The following ZBTB7C variants were observed in gnomAD, a reference collection of about 807,000 sequenced individuals.
ZBTB7C encodes the protein zinc finger and BTB domain containing 7C.
Under a neutral mutation model 25.7 loss-of-function variants are expected in ZBTB7C, and 8 were observed. That is an observed-to-expected ratio of 0.31 (90% confidence interval 0.18 to 0.56). ZBTB7C has a LOEUF of 0.56. ZBTB7C is among the 20% of genes least tolerant of loss of function. ZBTB7C has a pLI of 0.91. For synonymous variants in ZBTB7C, 394 were observed against 369.0 expected, an observed-to-expected ratio of 1.07 and a Z score of -0.78; for missense variants, 824 against 855.2, an observed-to-expected ratio of 0.96 and a Z score of 0.46.
At chr18:48,161,710 G>A (rs554321452) in intron 3 of ZBTB7C, among the ~76,000 whole-genome samples, 1 of 148,250 alleles carries the variant, frequency 6.7e-6, no homozygotes, top group Non-Finnish European at 1.5e-5. Context: ...GGCCCGGCCC[G>A]GGCGCCCCGC....
chr18:48,114,248 C>T (rs2039346041), intron 3 of ZBTB7C, among the ~76,000 whole-genome samples: 1 of 152,176 alleles, frequency 6.6e-6, no homozygotes, highest in African/African-American at 2.4e-5. Context: ...AAGTTGGACA[C>T]ATGCACACCC....
At chr18:48,164,635 G>A (rs925334360) in intron 3 of ZBTB7C, among the ~76,000 whole-genome samples, 2 of 151,670 alleles carry the variant, frequency 1.3e-5, no homozygotes, top group African/African-American at 2.4e-5. Flanking sequence ...TTTCATAAGC[G>A]CTTTTTTTTG....
At chr18:48,386,253 T>C (rs959434556) in intron 1 of ZBTB7C, among the ~76,000 whole-genome samples, 1 of 152,126 alleles carries the variant, frequency 6.6e-6, no homozygotes, top group Non-Finnish European at 1.5e-5. Context: ...TGCTCAACCA[T>C]CACTAATAGC....
intron 1 of ZBTB7C, among the ~76,000 whole-genome samples, chr18:48,387,060 T>C (rs1013583975): frequency 2.6e-5 from 4 of 152,144 alleles, no homozygotes; most frequent in Non-Finnish European, 5.9e-5. Flanking sequence ...TGGATTTTAA[T>C]AGAAGTGAAG....
chr18:48,193,399 C>T (rs1161082868), intron 2 of ZBTB7C, among the ~76,000 whole-genome samples: 1 of 152,118 alleles, frequency 6.6e-6, no homozygotes, highest in East Asian at 1.9e-4. Flanking sequence ...CTCCCAACAC[C>T]AGATATAGTA....
intron 2 of ZBTB7C, among the ~76,000 whole-genome samples, chr18:48,313,227 C>T (rs2045863938): frequency 6.6e-6 from 1 of 152,212 alleles, no homozygotes; most frequent in Non-Finnish European, 1.5e-5. Flanking sequence ...TCATGCTCAG[C>T]TCCAGGGGCA....
In ZBTB7C at chr18:48,029,445, ACAGCTTCAT is replaced by A; in HGVS notation, c.1666_1674del (p.Met556_Leu558del). On this transcript the variant is annotated inframe_deletion, in exon 5 of 5. Transcript: ENST00000590800. The stretch of plus-strand genomic sequence containing the variant: ...TCAGCCTCCAGCTGCGCGCGCCCGA[ACAGCTTCAT>A]CTGTGTCTCCTCGAACTGCCGCTCC... 6.3e-7 allele frequency: 1 copy of A among 1,595,792 alleles called. No homozygotes were observed. Among genetic ancestry groups the A allele is most frequent in the Non-Finnish European group, 8.5e-7 (1 of 1,174,556 alleles).
At chr18:48,152,210 A>C (rs529068453) in intron 3 of ZBTB7C, among the ~76,000 whole-genome samples, 54 of 152,192 alleles carry the variant, frequency 3.5e-4, no homozygotes, top group Non-Finnish European at 4.9e-4. Flanking sequence ...GAGAATCCTT[A>C]AATCCCCAGC....
chr18:48,070,528 T>C (rs555596606), intron 3 of ZBTB7C, among the ~76,000 whole-genome samples: 2 of 152,318 alleles, frequency 1.3e-5, no homozygotes, highest in Non-Finnish European at 2.9e-5. Context: ...TGGGAAGAGC[T>C]TGCCCCATTT....
At chr18:48,069,554 A>T (rs1247438951) in intron 3 of ZBTB7C, among the ~76,000 whole-genome samples, 1 of 152,074 alleles carries the variant, frequency 6.6e-6, no homozygotes, top group African/African-American at 2.4e-5. Context: ...TGCCCAAGAC[A>T]CCTGTGCTTT....
intron 1 of ZBTB7C, among the ~76,000 whole-genome samples, chr18:48,391,132 C>T (rs1372926601): frequency 1.3e-5 from 2 of 152,166 alleles, no homozygotes; most frequent in Admixed American, 1.3e-4. Context: ...ACTGGTGCTC[C>T]ACTCCAGAGA....
intron 2 of ZBTB7C, among the ~76,000 whole-genome samples, chr18:48,199,236 T>C (rs2042382163): frequency 6.6e-6 from 1 of 152,240 alleles, no homozygotes. Context: ...ATTCTCGCAG[T>C]CTGGAAGCTC....
chr18:48,073,267 G>A (rs1199161999), intron 3 of ZBTB7C, among the ~76,000 whole-genome samples: 1 of 152,108 alleles, frequency 6.6e-6, no homozygotes, highest in Non-Finnish European at 1.5e-5. Context: ...TAAGTCTAGG[G>A]GAAAGAAACC....
At chr18:48,191,171 T>C (rs998415543) in intron 2 of ZBTB7C, among the ~76,000 whole-genome samples, 1 of 152,176 alleles carries the variant, frequency 6.6e-6, no homozygotes, top group African/African-American at 2.4e-5. Context: ...TGTGCTTTGC[T>C]TCCTCTGACC....
chr18:48,119,556 C>T (rs982177227), intron 3 of ZBTB7C, among the ~76,000 whole-genome samples: 2 of 152,156 alleles, frequency 1.3e-5, no homozygotes, highest in African/African-American at 4.8e-5. Flanking sequence ...AAATGTATAC[C>T]TACTTTTTGT....
rs114573259 is a variant in ZBTB7C at position 48,336,694 on chromosome 18, G to A, written c.-79+1480C>T. Reference sequence around the variant, plus strand: ...GTCTTCATCAGGAGGCATGTTGCCCGTTAGCCTCCTGAGACTACAAACTTG... The same window carrying A: ...GTCTTCATCAGGAGGCATGTTGCCCATTAGCCTCCTGAGACTACAAACTTG... On this transcript the variant is annotated intron_variant, in intron 2 of 4. Coordinates refer to ENST00000590800, the MANE Select transcript of ZBTB7C (RefSeq NM_001318841.2). Among the ~76,000 whole-genome samples the A allele has an allele frequency of 2.8e-3, 420 of 152,212 alleles. 4 individuals carry two copies. The highest frequency in any genetic ancestry group is 9.4e-3 in the African/African-American group (391 of 41,526).
chr18:48,318,220 A>G (rs1309092095), intron 2 of ZBTB7C, among the ~76,000 whole-genome samples: 2 of 152,008 alleles, frequency 1.3e-5, no homozygotes, highest in African/African-American at 4.8e-5. Flanking sequence ...AAAACAAAAA[A>G]AAAACCTAAA....
At chr18:48,185,220 A>G (rs1193088938) in intron 3 of ZBTB7C, 1 of 353,928 alleles carries the variant, frequency 2.8e-6, no homozygotes, top group South Asian at 2.2e-5. Context: ...TCCCTCCTCC[A>G]TCAGTCCAGT....
At chr18:48,207,747 C>A (rs957672978) in intron 2 of ZBTB7C, among the ~76,000 whole-genome samples, 1 of 152,146 alleles carries the variant, frequency 6.6e-6, no homozygotes, top group African/African-American at 2.4e-5. Flanking sequence ...GGCCACCACA[C>A]CAGGCCACAG....
Sources: gnomAD v4.1 joint callset for allele counts (sites outside exome capture counted in the v4.1 genomes callset) on GRCh38, gnomAD v4.1.1 for gene constraint, MANE v1.5 for transcripts, NCBI Gene and HGNC (gene_info 2026-07-23, HGNC 2026-07-21) for gene names.